IHO1: variants seen among roughly 807,000 people sequenced by gnomAD.
IHO1 encodes the protein interactor of HORMAD1 1, also known as interactor of HORMAD1 protein 1.
IHO1 carries 13 observed loss-of-function variants against 31.0 expected under a neutral mutation model. That is an observed-to-expected ratio of 0.42 (90% CI 0.27 to 0.67). The LOEUF (loss-of-function observed/expected upper bound fraction) is 0.67, where lower values mean the gene tolerates loss of function less well. Among genes scored for constraint, IHO1 ranks in the 30% least tolerant of loss-of-function variants. The pLI is 0.24. For synonymous variants in IHO1, 221 were observed against 248.4 expected, an observed-to-expected ratio of 0.89 and a Z score of 1.04; for missense variants, 599 against 687.5, an observed-to-expected ratio of 0.87 and a Z score of 1.44.
At chr3:49,201,215 G>T (rs567456866) in intron 1 of IHO1, among the ~76,000 whole-genome samples, 108 of 151,940 alleles carry the variant, frequency 7.1e-4, no homozygotes, top group South Asian at 1.2e-3. Context: ...GGATGGTCTC[G>T]ATCTCCTGAC....
intron 4 of IHO1, among the ~76,000 whole-genome samples, chr3:49,242,442 A>C (rs546959549): frequency 6.6e-6 from 1 of 152,086 alleles, no homozygotes; most frequent in East Asian, 1.9e-4. Context: ...AGTTATTCTT[A>C]ATTGCCTTCT....
At chr3:49,219,429 C>T (rs1378862453) in intron 2 of IHO1, among the ~76,000 whole-genome samples, 2 of 152,190 alleles carry the variant, frequency 1.3e-5, no homozygotes, top group African/African-American at 4.8e-5. Flanking sequence ...CCCTTTGTTT[C>T]CCGTAAGGAA....
chr3:49,242,674 G>A (rs1398804151), intron 4 of IHO1, among the ~76,000 whole-genome samples: 2 of 151,828 alleles, frequency 1.3e-5, no homozygotes, highest in East Asian at 3.9e-4. Context: ...GCACGGTGGC[G>A]GGTGCCTGTA....
At chr3:49,238,695 G>A (rs2046588910) in intron 3 of IHO1, among the ~76,000 whole-genome samples, 1 of 152,176 alleles carries the variant, frequency 6.6e-6, no homozygotes. Context: ...AGCAGGCTTT[G>A]CATCTGGTAC....
At chr3:49,229,508 G>A (rs913749450) in intron 2 of IHO1, among the ~76,000 whole-genome samples, 3 of 152,222 alleles carry the variant, frequency 2.0e-5, no homozygotes, top group African/African-American at 7.2e-5. Context: ...TTCTGATTGT[G>A]CCGTATGTAG....
At chr3:49,205,614 A>G (rs2046126237) in intron 1 of IHO1, among the ~76,000 whole-genome samples, 1 of 138,898 alleles carries the variant, frequency 7.2e-6, no homozygotes, top group Non-Finnish European at 1.5e-5. Context: ...TTTTTTTTTG[A>G]GACAGAGTTT....
At chr3:49,240,038 T>C (rs921053016) in intron 3 of IHO1, among the ~76,000 whole-genome samples, 2 of 151,694 alleles carry the variant, frequency 1.3e-5, no homozygotes, top group Admixed American at 6.6e-5. Context: ...TGCTTTTTTT[T>C]CTTTTCTTTT....
Position 49,236,531 on chromosome 3 carries a change from T to C in IHO1, c.57-17T>C. 1 of 1,575,826 alleles carries C rather than the reference T, an allele frequency of 6.3e-7. No individual in the cohort carries two copies. The highest frequency in any genetic ancestry group is 8.7e-7 in the Non-Finnish European group (1 of 1,149,216). On this transcript the variant is annotated splice_polypyrimidine_tract_variant and intron_variant, in intron 2 of 7. Transcript: ENST00000452691. ...GATATTTGTCTATTTGATACACTTTTTTTTGCTAAATTTCAGGAACAAGAA... is the reference window on the plus strand; with the variant it reads ...GATATTTGTCTATTTGATACACTTTCTTTTGCTAAATTTCAGGAACAAGAA...
intron 3 of IHO1, among the ~76,000 whole-genome samples, chr3:49,240,304 ACCT>A (rs564884330): frequency 1.3e-3 from 195 of 151,984 alleles, no homozygotes; most frequent in African/African-American, 4.3e-3. Context: ...GCTCACTGCA[ACCT>A]CCTCCTTCTG....
the IHO1 span, among the ~76,000 whole-genome samples, chr3:49,192,058 G>T: frequency 6.6e-6 from 1 of 152,082 alleles, no homozygotes; most frequent in Non-Finnish European, 1.5e-5. Flanking sequence ...TAATGGATTC[G>T]CAGCCAATGA....
At chr3:49,226,509 C>G (rs576990491) in intron 2 of IHO1, among the ~76,000 whole-genome samples, 1 of 152,240 alleles carries the variant, frequency 6.6e-6, no homozygotes, top group South Asian at 2.1e-4. Context: ...TCTCCTTAGT[C>G]CTTCTAGAAC....
intron 2 of IHO1, among the ~76,000 whole-genome samples, chr3:49,215,262 C>CTGGTCT (rs2046275271): frequency 6.6e-6 from 1 of 151,666 alleles, no homozygotes; most frequent in Non-Finnish European, 1.5e-5. Context: ...GTTGGCCAGG[C>CTGGTCT]TGGTCTTGGG....
intron 1 of IHO1, among the ~76,000 whole-genome samples, chr3:49,204,005 G>A (rs1489320872): frequency 6.6e-6 from 1 of 152,164 alleles, no homozygotes; most frequent in African/African-American, 2.4e-5. Context: ...ACAGCTAGGT[G>A]ATTTAAATAA....
chr3:49,200,386 A>C (rs866948156), intron 1 of IHO1, among the ~76,000 whole-genome samples: 2 of 150,744 alleles, frequency 1.3e-5, no homozygotes, highest in Non-Finnish European at 3.0e-5. Context: ...AATCACTAGA[A>C]CCTGGGAGGC....
At chr3:49,206,704 T>C (rs2046142710) in intron 1 of IHO1, among the ~76,000 whole-genome samples, 1 of 152,118 alleles carries the variant, frequency 6.6e-6, no homozygotes, top group South Asian at 2.1e-4. Context: ...TCATTTTACC[T>C]AGCCCCTACT....
At chr3:49,225,674 C>A (rs775252656) in intron 2 of IHO1, among the ~76,000 whole-genome samples, 1 of 152,102 alleles carries the variant, frequency 6.6e-6, no homozygotes, top group Non-Finnish European at 1.5e-5. Context: ...TCAGGCACAA[C>A]AAGAAAGACA....
chr3:49,227,522 G>A (rs535792378), intron 2 of IHO1, among the ~76,000 whole-genome samples: 3 of 152,306 alleles, frequency 2.0e-5, no homozygotes, highest in Admixed American at 2.0e-4. Flanking sequence ...ACCACAAGGA[G>A]GACTGAGGAA....
chr3:49,204,283 C>T (rs539264673), intron 1 of IHO1, among the ~76,000 whole-genome samples: 8 of 152,204 alleles, frequency 5.3e-5, no homozygotes, highest in Admixed American at 5.2e-4. Flanking sequence ...CATTCAGCTA[C>T]GTGGGTTCAG....
chr3:49,200,672 C>A, intron 1 of IHO1: 1 of 626,074 alleles, frequency 1.6e-6, no homozygotes, highest in Non-Finnish European at 2.0e-6. Flanking sequence ...CTTGCATGCA[C>A]TCAACTTTTT....
Sources: allele counts gnomAD v4.1 joint callset (sites outside exome capture counted in the v4.1 genomes callset), GRCh38; gene constraint gnomAD v4.1.1; transcripts MANE v1.5; gene names NCBI Gene and HGNC (gene_info 2026-07-23, HGNC 2026-07-21).